Variants in IFRD1 observed in about 807,000 individuals in gnomAD.
The protein encoded by IFRD1 is interferon-related developmental regulator 1.
In IFRD1, 35 loss-of-function variants were observed where a neutral mutation model predicts 52.9. The observed-to-expected ratio is 0.66, with a 90% CI of 0.51 to 0.88. The LOEUF (loss-of-function observed/expected upper bound fraction) is 0.88, where lower values mean the gene tolerates loss of function less well. IFRD1 is among the 40% of genes least tolerant of loss of function. The pLI is 0.00. For synonymous variants in IFRD1, 184 were observed against 188.4 expected, an observed-to-expected ratio of 0.98 and a Z score of 0.19; for missense variants, 517 against 550.8, an observed-to-expected ratio of 0.94 and a Z score of 0.61.
At chr7:112,441,880 T>C (rs557628294) in intron 1 of IFRD1, among the ~76,000 whole-genome samples, 2 of 152,308 alleles carry the variant, frequency 1.3e-5, no homozygotes, top group African/African-American at 4.8e-5. Flanking sequence ...TTGAAGGAAC[T>C]GAGACTTTTC....
intron 1 of IFRD1, chr7:112,452,489 A>G: frequency 3.1e-6 from 3 of 967,560 alleles, no homozygotes; most frequent in Non-Finnish European, 3.7e-6. Context: ...ATCTGAATCA[A>G]ACATTTGAAT....
chr7:112,456,844 A>G, intron 3 of IFRD1, 70 bp from the exon 4 acceptor site: 1 of 1,451,328 alleles, frequency 6.9e-7, no homozygotes. Context: ...AGAAGGAAAT[A>G]AGATTTTAAA....
At chr7:112,467,856 A>G (rs2117325269) in intron 8 of IFRD1, 125 bp from the exon 9 acceptor site, 2 of 923,366 alleles carry the variant, frequency 2.2e-6, no homozygotes, top group East Asian at 2.6e-5. Context: ...CCTAAATACC[A>G]TGAAGATTTA....
intron 1 of IFRD1, among the ~76,000 whole-genome samples, chr7:112,428,011 T>C (rs1360061298): frequency 6.6e-6 from 1 of 152,038 alleles, no homozygotes; most frequent in Non-Finnish European, 1.5e-5. Flanking sequence ...TGGGTCTCTA[T>C]GAAGACCCCC....
intron 1 of IFRD1, among the ~76,000 whole-genome samples, chr7:112,436,874 G>A (rs1439492915): frequency 6.6e-6 from 1 of 152,202 alleles, no homozygotes; most frequent in Non-Finnish European, 1.5e-5. Flanking sequence ...CAAGTTTGGG[G>A]AAAGGGCCTG....
rs1298095274 is a variant in IFRD1 at position 112,468,054 on chromosome 7, G to A, written c.980G>A (p.Arg327Gln). ...TTGGCAACAGATGGAAATAAACACC[G>A]GGCCAAAGTGGACAAGAGAAAGCAG... The part of the protein sequence containing the change: ...RALATDGNKH[R>Q]AKVDKRKQRS... Residue 327 changes from arginine (R) to glutamine (Q), a missense_variant, in exon 9 of 12, where the codon CGG (arginine) becomes CAG (glutamine). By Grantham distance (43) the Arg-to-Gln change is conservative. Transcript: ENST00000403825. 6.2e-7 allele frequency: 1 copy of A among 1,613,886 alleles called. No homozygotes were observed. Among genetic ancestry groups the A allele is most frequent in the Non-Finnish European group, 8.5e-7 (1 of 1,179,962 alleles).
chr7:112,435,194 C>T (rs1794644384), intron 1 of IFRD1, among the ~76,000 whole-genome samples: 2 of 152,150 alleles, frequency 1.3e-5, no homozygotes, highest in African/African-American at 4.8e-5. Flanking sequence ...TATTACCTCT[C>T]CACTGCAACA....
chr7:112,461,363 A>C (rs532858449), intron 5 of IFRD1: 1 of 152,660 alleles, frequency 6.6e-6, no homozygotes, highest in East Asian at 1.9e-4. Flanking sequence ...TTTTTGATAG[A>C]GGGTAGGCTT....
In IFRD1 at chr7:112,453,868, TA is replaced by T. The variant is rs370893488; in HGVS notation, c.95-1884del. The stretch of plus-strand genomic sequence containing the variant: ...TTGATTTTAAAAAAGACAACTCCGT[TA>T]AAAAAAAAAATCCAGCCCAACAGTA... On this transcript the variant is annotated intron_variant, in intron 1 of 11. Transcript: ENST00000403825. Among the ~76,000 whole-genome samples the T allele has an allele frequency of 9.1e-3, 1,340 of 147,272 alleles. 17 individuals are homozygous for T. Among genetic ancestry groups the T allele is most frequent in the African/African-American group, 0.03 (1,204 of 40,450 alleles).
At position 112,472,877 on chromosome 7, in the gene IFRD1, A is replaced by G. The variant is rs746081637; in HGVS notation, c.1266+16A>G. 1.3e-6 allele frequency: 2 copies of G among 1,571,302 alleles called. No individual in the cohort carries two copies. The highest frequency in any genetic ancestry group is 1.8e-6 in the Non-Finnish European group (2 of 1,141,232). On this transcript the variant is annotated intron_variant, in intron 11 of 11. Coordinates refer to ENST00000403825, the MANE Select transcript of IFRD1 (RefSeq NM_001550.4). ...TTTCGAAAGGGTAGGTTTTGTTTTT[A>G]TTTTTAATAAAACTAAGTGCGCCAA...
upstream of IFRD1, chr7:112,446,215 C>A: frequency 1.6e-5 from 3 of 189,864 alleles, no homozygotes; most frequent in South Asian, 3.1e-4. Flanking sequence ...ACAATAATGT[C>A]TGTCAAAGTG....
At position 112,425,172 on chromosome 7, in the gene IFRD1, T is replaced by C. The variant is rs561812171; in HGVS notation, c.-182+1740T>C. Among the ~76,000 whole-genome samples, 4 of 152,292 alleles carry C rather than the reference T, an allele frequency of 2.6e-5. No individual in the cohort carries two copies. In the East Asian group the frequency reaches 7.7e-4, roughly 29 times the overall value. ...AGGTATGGCACCATGCCTAGCCAAATGTCAGTTTTTTATCTTTCTCTCCAC... is the reference window on the plus strand; with the variant it reads ...AGGTATGGCACCATGCCTAGCCAAACGTCAGTTTTTTATCTTTCTCTCCAC... On this transcript the variant is annotated intron_variant, in intron 1 of 12. Transcript: ENST00000005558.
intron 1 of IFRD1, among the ~76,000 whole-genome samples, chr7:112,442,540 C>T (rs887265820): frequency 6.6e-6 from 1 of 152,186 alleles, no homozygotes; most frequent in Non-Finnish European, 1.5e-5. Context: ...ACTGAACTCT[C>T]CAGGGAGCCT....
intron 1 of IFRD1, among the ~76,000 whole-genome samples, chr7:112,444,170 C>T (rs1044424168): frequency 6.6e-6 from 1 of 152,166 alleles, no homozygotes; most frequent in Non-Finnish European, 1.5e-5. Flanking sequence ...CCTGTTAACA[C>T]AGTCTCATAT....
At chr7:112,454,107 A>C (rs1009761387) in intron 1 of IFRD1, among the ~76,000 whole-genome samples, 2 of 152,132 alleles carry the variant, frequency 1.3e-5, no homozygotes, top group Non-Finnish European at 2.9e-5. Flanking sequence ...TCCCTAAGTG[A>C]CTGTATATTT....
intron 10 of IFRD1, 99 bp downstream of exon 10, chr7:112,472,446 T>C: frequency 7.9e-7 from 1 of 1,259,124 alleles, no homozygotes. Context: ...GTATCCAGAG[T>C]GCTTCCACAT....
intron 1 of IFRD1, among the ~76,000 whole-genome samples, chr7:112,440,409 A>G (rs895557619): frequency 1.3e-5 from 2 of 152,334 alleles, no homozygotes; most frequent in Admixed American, 1.3e-4. Context: ...TGATTTTAAT[A>G]AAACAATTAA....
chr7:112,462,071 C>G lies in IFRD1; in HGVS notation c.689C>G (p.Thr230Ser). Residue 230 changes from threonine to serine, a missense_variant, in exon 7 of 12, where the codon ACT becomes AGT. Thr to Ser is a moderately conservative substitution (Grantham distance 58). Transcript: ENST00000403825. ...TKSYLKEKDT[T>S]VICSTPNTVL... ...TCCTATCTCAAAGAGAAAGACACTA[C>G]TGTTATTTGCAGCACTCCTAATACA... 1 of 1,613,326 alleles carries G rather than the reference C, an allele frequency of 6.2e-7. No homozygotes were observed. The highest frequency in any genetic ancestry group is 8.5e-7 in the Non-Finnish European group (1 of 1,179,528).
chr7:112,458,877 A>C lies in IFRD1; in HGVS notation c.426A>C (p.Gln142His). Residue 142 changes from glutamine to histidine, a missense_variant, in exon 5 of 12, where the codon CAA becomes CAC. Coordinates refer to ENST00000403825, the MANE Select transcript of IFRD1 (RefSeq NM_001550.4). ...CTTTTATAGGTAAGAGTGATGAGCA[A>C]CGTGCAGCTGCAGCGTTAGCATCTG... is the stretch of plus-strand genomic sequence containing the variant. ...RCLKKGKSDE[Q>H]RAAAALASVL... 6.2e-7 allele frequency: 1 copy of C among 1,614,072 alleles called. No homozygotes were observed. The highest frequency in any genetic ancestry group is 2.2e-5 in the East Asian group (1 of 44,884).
Sources: gnomAD v4.1 joint callset for allele counts (sites outside exome capture counted in the v4.1 genomes callset) on GRCh38, gnomAD v4.1.1 for gene constraint, MANE v1.5 for transcripts, NCBI Gene and HGNC (gene_info 2026-07-23, HGNC 2026-07-21) for gene names.